The following ADCY2 variants were observed in gnomAD, a reference collection of about 807,000 sequenced individuals.
ADCY2 encodes adenylate cyclase 2, also known as adenylate cyclase type 2.
ADCY2 carries 31 observed loss-of-function variants against 125.2 expected under a neutral mutation model. That is an observed-to-expected ratio of 0.25 (90% CI 0.19 to 0.33). The LOEUF (loss-of-function observed/expected upper bound fraction) is 0.33. Ranked by LOEUF, ADCY2 falls within the 10% of genes least tolerant of loss-of-function variation. The pLI is 1.00. For synonymous variants in ADCY2, 512 were observed against 548.4 expected, an observed-to-expected ratio of 0.93 and a Z score of 0.93; for missense variants, 904 against 1,418.2, an observed-to-expected ratio of 0.64 and a Z score of 5.82.
At chr5:7,463,625 A>G (rs1259220601) in intron 2 of ADCY2, among the ~76,000 whole-genome samples, 1 of 151,886 alleles carries the variant, frequency 6.6e-6, no homozygotes, top group African/African-American at 2.4e-5. Context: ...AGATAAAAAA[A>G]AAAAAAAAAA....
intron 2 of ADCY2, among the ~76,000 whole-genome samples, chr5:7,480,904 G>A (rs369311179): frequency 2.4e-4 from 37 of 152,232 alleles, no homozygotes; most frequent in Admixed American, 2.1e-3. Context: ...CTTGGGTTGC[G>A]TCCAAATCTT....
chr5:7,558,536 TG>T (rs1735609031), intron 3 of ADCY2, among the ~76,000 whole-genome samples: 1 of 152,186 alleles, frequency 6.6e-6, no homozygotes, highest in Non-Finnish European at 1.5e-5. Flanking sequence ...TGGGGTGGTT[TG>T]TTTTTTTCTT....
intron 3 of ADCY2, among the ~76,000 whole-genome samples, chr5:7,559,767 A>C (rs1425204296): frequency 6.6e-6 from 1 of 152,162 alleles, no homozygotes. Flanking sequence ...TTCAAGGGGA[A>C]TGCTTCTGGC....
In ADCY2 at chr5:7,769,325, C is replaced by G. The variant is rs191946088; in HGVS notation, c.2214+2519C>G. Among the ~76,000 whole-genome samples, 311 of 152,154 alleles carry G rather than the reference C, an allele frequency of 2.0e-3. 2 individuals carry two copies. Among genetic ancestry groups the G allele is most frequent in the African/African-American group, 7.0e-3 (290 of 41,528 alleles). On this transcript the variant is annotated intron_variant, in intron 17 of 24. Transcript: ENST00000338316. ...TATTGTAACACACGATAAGGTTATG[C>G]TTAACCACCATATAAGACATTGTAA...
At chr5:7,723,432 G>C (rs1036316288) in intron 12 of ADCY2, among the ~76,000 whole-genome samples, 1 of 152,140 alleles carries the variant, frequency 6.6e-6, no homozygotes, top group Non-Finnish European at 1.5e-5. Context: ...GTGTGTGCCT[G>C]GCAGTGAGAG....
chr5:7,684,345 C>T (rs1383935825), intron 4 of ADCY2, among the ~76,000 whole-genome samples: 2 of 152,202 alleles, frequency 1.3e-5, no homozygotes, highest in Non-Finnish European at 2.9e-5. Context: ...CTGCAGCTCT[C>T]ATCTGATGAC....
At chr5:7,435,388 C>A (rs1287276569) in intron 2 of ADCY2, among the ~76,000 whole-genome samples, 1 of 152,202 alleles carries the variant, frequency 6.6e-6, no homozygotes, top group Admixed American at 6.5e-5. Flanking sequence ...CATGACTTAA[C>A]ACATCTGCCA....
intron 3 of ADCY2, among the ~76,000 whole-genome samples, chr5:7,584,651 A>G (rs1579599347): frequency 6.6e-6 from 1 of 152,192 alleles, no homozygotes; most frequent in East Asian, 1.9e-4. Context: ...TGATAAAAAA[A>G]TTATGGTGGG....
chr5:7,560,979 G>T (rs9313197), intron 3 of ADCY2, among the ~76,000 whole-genome samples: 56,346 of 151,978 alleles, frequency 0.37, 11,165 homozygotes, highest in African/African-American at 0.42. Context: ...TGAGCCACTG[G>T]GCCCAGCCTG....
intron 14 of ADCY2, among the ~76,000 whole-genome samples, chr5:7,738,198 G>A (rs1742303934): frequency 6.6e-6 from 1 of 152,062 alleles, no homozygotes; most frequent in Non-Finnish European, 1.5e-5. Flanking sequence ...ACAATGACAT[G>A]TGACATATAC....
At chr5:7,548,839 G>A (rs1735233706) in intron 3 of ADCY2, among the ~76,000 whole-genome samples, 1 of 152,112 alleles carries the variant, frequency 6.6e-6, no homozygotes, top group African/African-American at 2.4e-5. Context: ...TGAACATTGT[G>A]AAATTAAAAA....
intron 20 of ADCY2, 43 bp downstream of exon 20, chr5:7,789,843 C>T: frequency 7.0e-7 from 1 of 1,431,644 alleles, no homozygotes; most frequent in South Asian, 1.3e-5. Flanking sequence ...GGGCTGGATG[C>T]CATGATGACC....
At chr5:7,750,538 T>C (rs1742775535) in intron 15 of ADCY2, among the ~76,000 whole-genome samples, 1 of 152,258 alleles carries the variant, frequency 6.6e-6, no homozygotes, top group Non-Finnish European at 1.5e-5. Flanking sequence ...GTTTCCATAT[T>C]ACTAAAATGC....
chr5:7,613,848 A>G (rs578039810), intron 3 of ADCY2, among the ~76,000 whole-genome samples: 26 of 152,234 alleles, frequency 1.7e-4, no homozygotes, highest in Non-Finnish European at 2.6e-4. Context: ...CCTATTACTC[A>G]GGATAGCCCA....
intron 14 of ADCY2, among the ~76,000 whole-genome samples, chr5:7,732,330 C>A (rs4537032): frequency 1.3e-5 from 2 of 152,194 alleles, no homozygotes; most frequent in Non-Finnish European, 2.9e-5. Context: ...TTTCTTGTTT[C>A]TTGGCGGGAC....
At chr5:7,560,505 A>G (rs933126680) in intron 3 of ADCY2, among the ~76,000 whole-genome samples, 8 of 152,162 alleles carry the variant, frequency 5.3e-5, no homozygotes, top group Non-Finnish European at 1.0e-4. Context: ...CTACCTGGAA[A>G]TAACTGCCTG....
At chr5:7,742,955 T>C (rs1009680264) in intron 14 of ADCY2, among the ~76,000 whole-genome samples, 17 of 152,182 alleles carry the variant, frequency 1.1e-4, no homozygotes, top group Non-Finnish European at 2.1e-4. Context: ...GAAACTTCTA[T>C]CCTTGGATTA....
rs529040969 is a variant in ADCY2, at chr5:7,623,507, C to T, written c.571-2660C>T. On this transcript the variant is annotated intron_variant, in intron 3 of 24. Coordinates refer to ENST00000338316, the MANE Select transcript of ADCY2 (RefSeq NM_020546.3). ...TTAATTGACAATGCACCATTGGACACGGTGCTGAAATCAACTCCTGTTCAG... is the reference window on the plus strand; with the variant it reads ...TTAATTGACAATGCACCATTGGACATGGTGCTGAAATCAACTCCTGTTCAG... 1.1e-4 allele frequency among the ~76,000 whole-genome samples: 17 copies of T among 152,292 alleles called. No homozygotes were observed. In the East Asian group the frequency reaches 1.2e-3, roughly 10 times the overall value.
chr5:7,812,559 G>C (rs1180370826), intron 22 of ADCY2, among the ~76,000 whole-genome samples: 4 of 152,200 alleles, frequency 2.6e-5, no homozygotes, highest in African/African-American at 7.2e-5. Context: ...ACCCAGGGAT[G>C]CAGGCTGAAT....
Sources: allele counts gnomAD v4.1 joint callset (sites outside exome capture counted in the v4.1 genomes callset), GRCh38; gene constraint gnomAD v4.1.1; transcripts MANE v1.5; gene names NCBI Gene and HGNC (gene_info 2026-07-23, HGNC 2026-07-21).